GALNT2: variants seen among roughly 807,000 people sequenced by gnomAD.
The protein encoded by GALNT2 is polypeptide N-acetylgalactosaminyltransferase 2, also known as UDP-GalNAc:polypeptide N-acetylgalactosaminyltransferase 2.
A neutral mutation model predicts 81.4 loss-of-function variants in GALNT2; 31 were observed. That is an observed-to-expected ratio of 0.38 (90% confidence interval 0.29 to 0.51). The LOEUF (loss-of-function observed/expected upper bound fraction) is 0.51. Among genes scored for constraint, GALNT2 ranks in the 20% least tolerant of loss-of-function variants. The pLI is 0.87. For synonymous variants in GALNT2, 303 were observed against 287.4 expected, an observed-to-expected ratio of 1.05 and a Z score of -0.55; for missense variants, 629 against 765.7, an observed-to-expected ratio of 0.82 and a Z score of 2.11.
rs954779008 is a variant in GALNT2, at chr1:230,249,346, C to A, written c.905+75C>A. 4 of 1,325,038 alleles carry A rather than the reference C, an allele frequency of 3.0e-6. No homozygotes were observed. The East Asian group carries it at 7.0e-5, about 23-fold the overall frequency. The allele number at this position is 1,325,038 out of a possible 1,614,324, so 82.1% of individuals were successfully genotyped here. On this transcript the variant is annotated intron_variant, in intron 9 of 15. Transcript: ENST00000366672. Reference sequence around the variant, plus strand: ...TCCAGCTTCTTTGCTGGGCCCGCACCGCCTGGAGACCCAGTGGGGGCTGTT... The same window carrying A: ...TCCAGCTTCTTTGCTGGGCCCGCACAGCCTGGAGACCCAGTGGGGGCTGTT...
At chr1:230,088,592 C>T (rs1659965454) in intron 1 of GALNT2, among the ~76,000 whole-genome samples, 1 of 149,848 alleles carries the variant, frequency 6.7e-6, no homozygotes, top group Non-Finnish European at 1.5e-5. Context: ...GGCTGGAGTG[C>T]AGTGGCGCTA....
intron 1 of GALNT2, among the ~76,000 whole-genome samples, chr1:230,095,659 C>A (rs1363968724): frequency 1.3e-5 from 2 of 152,210 alleles, no homozygotes; most frequent in East Asian, 3.8e-4. Flanking sequence ...TACTTCTCAC[C>A]TCCCTGCCTC....
chr1:230,250,793 T>C (rs1342139456), intron 10 of GALNT2, among the ~76,000 whole-genome samples: 1 of 152,130 alleles, frequency 6.6e-6, no homozygotes, highest in East Asian at 1.9e-4. Context: ...ATAAAGTCTT[T>C]GAAGGGAAAT....
At chr1:230,163,197 G>A (rs994112000) in intron 1 of GALNT2, among the ~76,000 whole-genome samples, 1 of 152,106 alleles carries the variant, frequency 6.6e-6, no homozygotes, top group African/African-American at 2.4e-5. Flanking sequence ...ACAAACTTTT[G>A]TCAAAGGAAT....
At chr1:230,247,222 TAC>T (rs1225608582) in intron 8 of GALNT2, among the ~76,000 whole-genome samples, 1 of 152,266 alleles carries the variant, frequency 6.6e-6, no homozygotes, top group South Asian at 2.1e-4. Flanking sequence ...TGCTTATTCA[TAC>T]ACACACACAT....
rs373657773 is a variant in GALNT2 at position 230,156,570 on chromosome 1, T to G, written c.127-21648T>G. 9.2e-5 allele frequency among the ~76,000 whole-genome samples: 14 copies of G among 152,370 alleles called. No individual in the cohort carries two copies. The East Asian group carries it at 2.7e-3, about 29-fold the overall frequency. ...TGCTTCCTAGATGCTGGATATTTTA[T>G]TATCGTTTGTCACGGATCAATTTAT... On this transcript the variant is annotated intron_variant, in intron 1 of 15. Coordinates refer to ENST00000366672, the MANE Select transcript of GALNT2 (RefSeq NM_004481.5).
At chr1:230,112,678 G>A (rs1660739529) in intron 1 of GALNT2, among the ~76,000 whole-genome samples, 1 of 152,086 alleles carries the variant, frequency 6.6e-6, no homozygotes, top group Non-Finnish European at 1.5e-5. Context: ...GGCGAAGGGA[G>A]GAGGAGGGAG....
At chr1:230,059,399 T>C (rs145902615) in intron 1 of GALNT2, among the ~76,000 whole-genome samples, 8 of 152,328 alleles carry the variant, frequency 5.3e-5, no homozygotes, top group African/African-American at 1.2e-4. Context: ...GGCAAGTCAA[T>C]GTATATAGAG....
chr1:230,138,977 C>A (rs1661642841), intron 1 of GALNT2, among the ~76,000 whole-genome samples: 1 of 152,118 alleles, frequency 6.6e-6, no homozygotes, highest in Non-Finnish European at 1.5e-5. Flanking sequence ...GAACGCCTAA[C>A]CTCCTGGGAA....
At chr1:230,262,863 T>C (rs951781755) in intron 12 of GALNT2, 59 bp from the exon 13 acceptor site, 7 of 1,526,026 alleles carry the variant, frequency 4.6e-6, no homozygotes, top group Non-Finnish European at 5.4e-6. Context: ...TCAAGTTTGA[T>C]GTAGAAAGCC....
intron 3 of GALNT2, among the ~76,000 whole-genome samples, chr1:230,204,591 A>G (rs1275948698): frequency 2.0e-5 from 3 of 152,212 alleles, no homozygotes; most frequent in African/African-American, 7.2e-5. Flanking sequence ...AGTGATATGC[A>G]TAACCCTCAT....
intron 1 of GALNT2, among the ~76,000 whole-genome samples, chr1:230,168,898 C>G (rs1187711400): frequency 6.6e-6 from 1 of 152,096 alleles, no homozygotes; most frequent in African/African-American, 2.4e-5. Context: ...TGTTCTTTTT[C>G]TGTTTTAATA....
At chr1:230,134,631 G>T (rs777573482) in intron 1 of GALNT2, among the ~76,000 whole-genome samples, 8 of 152,158 alleles carry the variant, frequency 5.3e-5, no homozygotes, top group Non-Finnish European at 1.2e-4. Context: ...CTTTTTTTAA[G>T]GCCAGTAGTG....
chr1:230,067,621 C>T lies in GALNT2; in HGVS notation c.126+215C>T, dbSNP rs189381536. On this transcript the variant is annotated intron_variant, in intron 1 of 15. Coordinates refer to ENST00000366672, the MANE Select transcript of GALNT2 (RefSeq NM_004481.5). ...GGCTCCGAAAGGGCGGCCCCCGCAG[C>T]CTTTCTCTGCCCCCTCTCGTGGACG... Among the ~76,000 whole-genome samples the T allele has an allele frequency of 3.9e-4, 59 of 152,188 alleles. No homozygotes were observed. In the East Asian group the frequency reaches 0.012, roughly 30 times the overall value.
intron 11 of GALNT2, 83 bp downstream of exon 11, chr1:230,255,427 A>G (rs1277793067): frequency 1.9e-6 from 3 of 1,570,700 alleles, no homozygotes; most frequent in Non-Finnish European, 1.7e-6. Context: ...GTTTGAGGAC[A>G]GATGTCCTTC....
intron 1 of GALNT2, among the ~76,000 whole-genome samples, chr1:230,093,577 A>G (rs7519655): frequency 6.6e-6 from 1 of 152,020 alleles, no homozygotes; most frequent in Non-Finnish European, 1.5e-5. Flanking sequence ...GAAGGTTTTC[A>G]TAAGTGCTGT....
In GALNT2 at chr1:230,279,609, G is replaced by A; in HGVS notation, c.*151G>A. Reference sequence around the variant, plus strand: ...GAAAGTCAAACTTCGGCAAGGCACGGACGACTGTGCAGACACAGCAGCGGC... The same window carrying A: ...GAAAGTCAAACTTCGGCAAGGCACGAACGACTGTGCAGACACAGCAGCGGC... On this transcript the variant is annotated 3_prime_UTR_variant, in exon 16 of 16. Transcript: ENST00000366672. This position sits in a 1 kb window ranked among gnomAD's most constrained non-coding sequence, Gnocchi z 4.6. The A allele has an allele frequency of 1.0e-6, 1 of 981,334 alleles. No homozygotes were observed. Among genetic ancestry groups the A allele is most frequent in the South Asian group, 1.7e-5 (1 of 60,206 alleles). The allele number at this position is 981,334 out of a possible 1,614,324, so 60.8% of individuals were successfully genotyped here.
chr1:230,105,455 TGGTGTTTCAG>T (rs1660516584), intron 1 of GALNT2, among the ~76,000 whole-genome samples: 1 of 152,174 alleles, frequency 6.6e-6, no homozygotes. Flanking sequence ...CTTCCATGGA[TGGTGTTTCAG>T]GGTTTCATTG....
At chr1:230,131,462 C>T (rs1884578) in intron 1 of GALNT2, among the ~76,000 whole-genome samples, 120,584 of 152,190 alleles carry the variant, frequency 0.79, 48,581 homozygotes, top group African/African-American at 0.95. Flanking sequence ...CAATCCCATG[C>T]AGAGCTTTCA....
Sources: gnomAD v4.1 joint callset for allele counts (sites outside exome capture counted in the v4.1 genomes callset) on GRCh38, gnomAD v4.1.1 for gene constraint, Gnocchi (gnomAD v3.1) non-coding constraint, MANE v1.5 for transcripts, NCBI Gene and HGNC (gene_info 2026-07-23, HGNC 2026-07-21) for gene names.